ARSG: variants seen among roughly 807,000 people sequenced by gnomAD.
ARSG encodes the protein ASG.
Under a neutral mutation model 50.5 loss-of-function variants are expected in ARSG, and 37 were observed. The observed-to-expected ratio is 0.73, with a 90% confidence interval of 0.56 to 0.96. The LOEUF (loss-of-function observed/expected upper bound fraction) is 0.96, where lower values mean the gene tolerates loss of function less well. Among genes scored for constraint, ARSG ranks in the 50% least tolerant of loss-of-function variants. The pLI is 0.00. For missense variants in ARSG, 629 were observed against 675.3 expected, an observed-to-expected ratio of 0.93 and a Z score of 0.76; for synonymous variants, 225 against 254.6, an observed-to-expected ratio of 0.88 and a Z score of 1.11.
At chr17:68,312,598 C>T (rs935337238) in intron 2 of ARSG, among the ~76,000 whole-genome samples, 2 of 152,050 alleles carry the variant, frequency 1.3e-5, no homozygotes, top group South Asian at 2.1e-4. Context: ...AAATGTGGTT[C>T]GTTGGGCTCT....
intron 2 of ARSG, among the ~76,000 whole-genome samples, chr17:68,311,654 A>G (rs1269357132): frequency 1.3e-5 from 2 of 152,076 alleles, no homozygotes; most frequent in African/African-American, 4.8e-5. Flanking sequence ...GATTGGAGCC[A>G]TGCCTCTACA....
chr17:68,449,625 G>A, the ARSG span, among the ~76,000 whole-genome samples: 6 of 152,154 alleles, frequency 3.9e-5, no homozygotes, highest in Middle Eastern at 3.2e-3. Flanking sequence ...CCCCCCACCC[G>A]TCTCTTGGTC....
chr17:68,327,760 G>A (rs994422231), intron 2 of ARSG, among the ~76,000 whole-genome samples: 5 of 152,146 alleles, frequency 3.3e-5, no homozygotes, highest in Non-Finnish European at 5.9e-5. Flanking sequence ...AAGCAGCCAT[G>A]GCTCAGAGGC....
At position 68,367,878 on chromosome 17, in the gene ARSG, C is replaced by T. The variant is rs2079620378; in HGVS notation, c.705-670C>T. On this transcript the variant is annotated intron_variant, in intron 6 of 11. Coordinates refer to ENST00000621439, the MANE Select transcript of ARSG (RefSeq NM_001267727.2). This position sits in a 1 kb window ranked among gnomAD's most constrained non-coding sequence, Gnocchi z 4.5. The stretch of plus-strand genomic sequence containing the variant: ...CCGAGGTCAGGAGTTTGAGGCCAAC[C>T]TAGCCAACGTAGCAAAACCCCATCT... 6.6e-6 allele frequency among the ~76,000 whole-genome samples: 1 copy of T among 152,296 alleles called. No homozygotes were observed. Among genetic ancestry groups the T allele is most frequent in the South Asian group, 2.1e-4 (1 of 4,828 alleles).
the ARSG span, among the ~76,000 whole-genome samples, chr17:68,447,686 A>G: frequency 2.6e-5 from 4 of 151,934 alleles, no homozygotes; most frequent in African/African-American, 7.3e-5. Flanking sequence ...TTTCCTTCCT[A>G]TATACTTAGA....
At chr17:68,289,898 AT>A (rs1555755277), upstream of ARSG, among the ~76,000 whole-genome samples, 1 of 152,038 alleles carries the variant, frequency 6.6e-6, no homozygotes, top group Non-Finnish European at 1.5e-5. Flanking sequence ...GTAAGTTCCT[AT>A]TTTGGACACT....
the ARSG span, among the ~76,000 whole-genome samples, chr17:68,442,429 C>A: frequency 2.0e-5 from 3 of 149,266 alleles, no homozygotes; most frequent in African/African-American, 7.5e-5. Context: ...TGCACCACCT[C>A]ACTCCAGCCT....
chr17:68,339,376 T>A (rs1468372841), intron 2 of ARSG, among the ~76,000 whole-genome samples: 1 of 152,148 alleles, frequency 6.6e-6, no homozygotes, highest in Non-Finnish European at 1.5e-5. Flanking sequence ...CCTATAATAC[T>A]GTTATTATAC....
At chr17:68,391,330 G>A (rs1035298800) in intron 9 of ARSG, among the ~76,000 whole-genome samples, 4 of 152,142 alleles carry the variant, frequency 2.6e-5, no homozygotes, top group Non-Finnish European at 4.4e-5. Context: ...TTGCCAAATC[G>A]GGATGGGGCT....
chr17:68,345,487 CTGTT>C (rs1387956562), intron 3 of ARSG, among the ~76,000 whole-genome samples: 3 of 152,182 alleles, frequency 2.0e-5, no homozygotes, highest in African/African-American at 7.2e-5. Context: ...TGCAGCTTGA[CTGTT>C]TAGCTGCATT....
At chr17:68,314,015 A>G (rs1331346236) in intron 2 of ARSG, among the ~76,000 whole-genome samples, 22 of 152,068 alleles carry the variant, frequency 1.4e-4, no homozygotes, top group African/African-American at 5.3e-4. Flanking sequence ...AACGCAGTCT[A>G]TAATGTAGTA....
At chr17:68,259,871 G>A (rs1200064779) in intron 1 of ARSG, among the ~76,000 whole-genome samples, 1 of 152,126 alleles carries the variant, frequency 6.6e-6, no homozygotes, top group African/African-American at 2.4e-5. Context: ...ATGTACCCGT[G>A]GTATTGAGTT....
intron 6 of ARSG, among the ~76,000 whole-genome samples, chr17:68,359,109 G>A (rs1161510641): frequency 6.6e-6 from 1 of 152,166 alleles, no homozygotes; most frequent in East Asian, 1.9e-4. Context: ...CTTGCAGTGA[G>A]CCGAGATCAG....
At chr17:68,372,485 G>A (rs368029216) in intron 8 of ARSG, among the ~76,000 whole-genome samples, 112 of 152,336 alleles carry the variant, frequency 7.4e-4, no homozygotes, top group South Asian at 2.3e-3. Flanking sequence ...CGAAGGGGAA[G>A]CGTGTATGTC....
chr17:68,428,458 C>A, the ARSG span: 1 of 202,160 alleles, frequency 4.9e-6, no homozygotes, highest in East Asian at 1.4e-4. Context: ...GTCTTGAACA[C>A]CTGGACTCAA....
At chr17:68,356,619 G>A (rs201162624) in intron 5 of ARSG, 48 bp from the exon 6 acceptor site, 224 of 1,608,572 alleles carry the variant, frequency 1.4e-4, no homozygotes, top group Admixed American at 4.0e-4. Context: ...GTTCTGCTCC[G>A]TGAGTACGTA....
chr17:68,328,750 C>T (rs952148041), intron 2 of ARSG, among the ~76,000 whole-genome samples: 4 of 152,164 alleles, frequency 2.6e-5, no homozygotes, highest in Non-Finnish European at 5.9e-5. Flanking sequence ...TTCAGGTCTA[C>T]ATGCCTAGAT....
chr17:68,442,223 G>A, the ARSG span, among the ~76,000 whole-genome samples: 1 of 152,096 alleles, frequency 6.6e-6, no homozygotes, highest in Non-Finnish European at 1.5e-5. Flanking sequence ...CAGCACTTTG[G>A]GAGGCCAAGG....
chr17:68,299,731 A>T (rs1300015723), intron 1 of ARSG, among the ~76,000 whole-genome samples: 5 of 152,190 alleles, frequency 3.3e-5, no homozygotes, highest in Admixed American at 3.3e-4. Context: ...CCTTGTCTGG[A>T]TACTGATTAG....
Sources: gnomAD v4.1 joint callset for allele counts (sites outside exome capture counted in the v4.1 genomes callset) on GRCh38, gnomAD v4.1.1 for gene constraint, Gnocchi (gnomAD v3.1) non-coding constraint, MANE v1.5 for transcripts, NCBI Gene and HGNC (gene_info 2026-07-23, HGNC 2026-07-21) for gene names.